Variants in RNF144B observed in about 807,000 individuals in gnomAD.
The protein encoded by RNF144B is E3 ubiquitin-protein ligase RNF144B.
Under a neutral mutation model 40.2 loss-of-function variants are expected in RNF144B, and 25 were observed. The observed-to-expected ratio is 0.62, with a 90% CI of 0.45 to 0.87. The LOEUF is 0.87. RNF144B is among the 40% of genes least tolerant of loss of function. RNF144B has a pLI of 0.00. For synonymous variants in RNF144B, 145 were observed against 136.3 expected (o/e 1.06, Z -0.44); for missense variants, 365 against 373.7 (o/e 0.98, Z 0.19).
At chr6:18,399,890 C>G (rs1794766002) in intron 2 of RNF144B, among the ~76,000 whole-genome samples, 191 bp downstream of exon 2, 1 of 152,122 alleles carries the variant, frequency 6.6e-6, no homozygotes, top group Non-Finnish European at 1.5e-5. Context: ...CTTGTTTTAG[C>G]TGAGTATAAT....
In RNF144B at chr6:18,412,640, G is replaced by C. The variant is rs867178458; in HGVS notation, c.165+12941G>C. On this transcript the variant is annotated intron_variant, in intron 2 of 7. Transcript: ENST00000259939. This position sits in a 1 kb window ranked among gnomAD's most constrained non-coding sequence, Gnocchi z 4.2. Reference sequence around the variant, plus strand: ...AAATTTAGGCAAGTTGAAAAAGGGTGGTGAGTTAACTAGAAAATTCAGTTT... The same window carrying C: ...AAATTTAGGCAAGTTGAAAAAGGGTCGTGAGTTAACTAGAAAATTCAGTTT... 1.8e-4 allele frequency among the ~76,000 whole-genome samples: 28 copies of C among 152,098 alleles called. No homozygotes were observed. The highest frequency in any genetic ancestry group is 6.3e-4 in the African/African-American group (26 of 41,406).
At chr6:18,461,244 C>T (rs547742418) in intron 6 of RNF144B, among the ~76,000 whole-genome samples, 16 of 152,150 alleles carry the variant, frequency 1.1e-4, no homozygotes, top group Non-Finnish European at 1.9e-4. Flanking sequence ...TTCAGCAGCT[C>T]AGTTTGGAAG....
rs376042989 is a variant in RNF144B, at chr6:18,458,773, T to C, written c.537-834T>C. Among the ~76,000 whole-genome samples the C allele has an allele frequency of 1.3e-5, 2 of 152,320 alleles. No individual in the cohort carries two copies. Among genetic ancestry groups the C allele is most frequent in the African/African-American group, 4.8e-5 (2 of 41,580 alleles). The stretch of plus-strand genomic sequence containing the variant: ...AGAAGTGTTTCAGATCTCAGTGTTT[T>C]CAGATTTTGAAATATTTTCATGATA... On this transcript the variant is annotated intron_variant, in intron 5 of 7. Coordinates refer to ENST00000259939, the MANE Select transcript of RNF144B (RefSeq NM_182757.4). This position sits in a 1 kb window ranked among gnomAD's most constrained non-coding sequence, Gnocchi z 4.8.
chr6:18,454,115 A>G (rs563922924), intron 4 of RNF144B, among the ~76,000 whole-genome samples: 1 of 152,274 alleles, frequency 6.6e-6, no homozygotes, highest in East Asian at 1.9e-4. Context: ...GATTGTTTTG[A>G]TGATCCAAGC....
In RNF144B at chr6:18,446,045, CT is replaced by C; in HGVS notation, c.331+6302del. 6.6e-6 allele frequency among the ~76,000 whole-genome samples: 1 copy of C among 152,300 alleles called. No individual in the cohort carries two copies. The highest frequency in any genetic ancestry group is 1.5e-5 in the Non-Finnish European group (1 of 68,010). On this transcript the variant is annotated intron_variant, in intron 4 of 7. Transcript: ENST00000259939. The surrounding 1 kb of genome is among the most constrained non-coding windows in gnomAD (Gnocchi z 4.7). ...TGTGAGAAGAGAATGAGAAGAACAG[CT>C]CTTCATGTGATAGCAATCTGACTTC...
At chr6:18,453,331 G>C (rs994195340) in intron 4 of RNF144B, among the ~76,000 whole-genome samples, 2 of 150,652 alleles carry the variant, frequency 1.3e-5, no homozygotes, top group Non-Finnish European at 3.0e-5. Context: ...TAGAGATGGG[G>C]TTTCACCATG....
At chr6:18,433,953 G>A (rs1758757269) in intron 3 of RNF144B, among the ~76,000 whole-genome samples, 1 of 152,164 alleles carries the variant, frequency 6.6e-6, no homozygotes, top group Admixed American at 6.5e-5. Context: ...CCTGGATTTT[G>A]CAAGTCATAG....
chr6:18,432,145 A>C (rs1459307102), intron 3 of RNF144B, among the ~76,000 whole-genome samples: 1 of 152,238 alleles, frequency 6.6e-6, no homozygotes, highest in African/African-American at 2.4e-5. Flanking sequence ...AAATGATTTG[A>C]ACTATACAGG....
chr6:18,465,412 G>T lies in RNF144B; in HGVS notation c.*345G>T. On this transcript the variant is annotated 3_prime_UTR_variant, in exon 8 of 8. Coordinates refer to ENST00000259939, the MANE Select transcript of RNF144B (RefSeq NM_182757.4). ...TGCGGGAACATTTGATATAACAAAT[G>T]TGTTGTCATTGTTGGCAACATACAA... The T allele has an allele frequency of 4.5e-6, 1 of 224,034 alleles. No homozygotes were observed. The highest frequency in any genetic ancestry group is 8.8e-6 in the Non-Finnish European group (1 of 114,162). 13.9% of individuals were successfully genotyped at this position (224,034 alleles called of 1,614,324 possible). A position where few individuals can be genotyped will look rare whatever the true frequency, so the allele number is the denominator to read the frequency against.
Position 18,468,285 on chromosome 6 carries a change from G to A in RNF144B, c.*3218G>A, listed in dbSNP as rs1759615567. The A allele has an allele frequency of 6.6e-6, 1 of 152,284 alleles. No individual in the cohort carries two copies. Among genetic ancestry groups the A allele is most frequent in the Middle Eastern group, 3.4e-3 (1 of 294 alleles). 9.4% of individuals were successfully genotyped at this position (152,284 alleles called of 1,614,324 possible). A position where few individuals can be genotyped will look rare whatever the true frequency, so the allele number is the denominator to read the frequency against. ...CCCATCTAGGAAATTTTTTCTTGTT[G>A]TGAGGTAGGGAAGTGAGGAGGAAAG... On this transcript the variant is annotated 3_prime_UTR_variant, in exon 8 of 8. Transcript: ENST00000259939.
rs1258695136 is a variant in RNF144B, at chr6:18,422,760, G to A, written c.166-4821G>A. ...CAGGATTCTTTGAGCCCAGGAGTTT[G>A]AGACCAGCCTGCTTGGGCAACATAG... On this transcript the variant is annotated intron_variant, in intron 2 of 7. Coordinates refer to ENST00000259939, the MANE Select transcript of RNF144B (RefSeq NM_182757.4). The surrounding 1 kb of genome is among the most constrained non-coding windows in gnomAD (Gnocchi z 4.7). Among the ~76,000 whole-genome samples the A allele has an allele frequency of 1.3e-5, 2 of 152,136 alleles. No homozygotes were observed. The highest frequency in any genetic ancestry group is 3.9e-4 in the East Asian group (2 of 5,184).
intron 1 of RNF144B, 147 bp from the exon 2 acceptor site, chr6:18,399,352 C>T: frequency 1.7e-6 from 1 of 601,802 alleles, no homozygotes; most frequent in Non-Finnish European, 2.9e-6. Context: ...GTGAACCACT[C>T]TCTAGCCCGT....
intron 2 of RNF144B, 92 bp from the exon 3 acceptor site, chr6:18,427,489 A>G: frequency 1.3e-6 from 1 of 777,066 alleles, no homozygotes; most frequent in Admixed American, 2.4e-5. Flanking sequence ...AGGACAGCCA[A>G]TTAAGGAAGA....
intron 3 of RNF144B, 141 bp downstream of exon 3, chr6:18,427,826 T>C: frequency 1.7e-6 from 1 of 592,466 alleles, no homozygotes; most frequent in South Asian, 2.2e-5. Flanking sequence ...TTATTGCAGC[T>C]TACCTTTGGA....
At chr6:18,445,345 T>C (rs1759058639) in intron 4 of RNF144B, among the ~76,000 whole-genome samples, 1 of 152,206 alleles carries the variant, frequency 6.6e-6, no homozygotes, top group African/African-American at 2.4e-5. Flanking sequence ...GATTTTGAAA[T>C]CTGAAGGCAA....
At position 18,464,808 on chromosome 6, in the gene RNF144B, A is replaced by G. The variant is rs1232381448; in HGVS notation, c.772-119A>G. The stretch of plus-strand genomic sequence containing the variant: ...GTCACATCGGGGATTTAGGGTTTCA[A>G]CATATGAGCTTCAGGGGGACACAAA... On this transcript the variant is annotated intron_variant, in intron 7 of 7. Transcript: ENST00000259939. This position sits in a 1 kb window ranked among gnomAD's most constrained non-coding sequence, Gnocchi z 6.1. The G allele has an allele frequency of 2.1e-6, 2 of 969,020 alleles. No individual in the cohort carries two copies. Among genetic ancestry groups the G allele is most frequent in the Non-Finnish European group, 3.1e-6 (2 of 641,326 alleles). The allele number at this position is 969,020 out of a possible 1,614,324, so 60.0% of individuals were successfully genotyped here.
chr6:18,427,612 G>A lies in RNF144B; in HGVS notation c.197G>A (p.Arg66Gln), dbSNP rs201112063. 3.0e-5 allele frequency: 49 copies of A among 1,613,596 alleles called. No individual in the cohort carries two copies. Among genetic ancestry groups the A allele is most frequent in the South Asian group, 2.6e-4 (24 of 91,056 alleles). ...AAACAGTACATGCAGCTGGCAATCC[G>A]AGAAGGATGTGGGTCTCCCATCACT... ...CLKQYMQLAIREGCGSPITCP... is the reference protein window; with the variant it reads ...CLKQYMQLAIQEGCGSPITCP... Residue 66 changes from arginine to glutamine, a missense_variant, in exon 3 of 8, where the codon CGA becomes CAA. By Grantham distance (43) the Arg-to-Gln change is conservative. Coordinates refer to ENST00000259939, the MANE Select transcript of RNF144B (RefSeq NM_182757.4).
chr6:18,430,720 A>C lies in RNF144B; in HGVS notation c.270+3035A>C, dbSNP rs564661399. ...TTCCAGCCTGGGCTCAAGCAATCCT[A>C]CTGCCTCAGCCTCCCAAAGTTCTGG... On this transcript the variant is annotated intron_variant, in intron 3 of 7. Coordinates refer to ENST00000259939, the MANE Select transcript of RNF144B (RefSeq NM_182757.4). Among the ~76,000 whole-genome samples the C allele has an allele frequency of 2.3e-4, 34 of 150,774 alleles. No individual in the cohort carries two copies. The East Asian group carries it at 6.3e-3, about 28-fold the overall frequency.
In RNF144B at chr6:18,450,436, T is replaced by C. The variant is rs1759186355; in HGVS notation, c.332-6719T>C. 6.6e-6 allele frequency among the ~76,000 whole-genome samples: 1 copy of C among 152,126 alleles called. No homozygotes were observed. Among genetic ancestry groups the C allele is most frequent in the Admixed American group, 6.5e-5 (1 of 15,274 alleles). On this transcript the variant is annotated intron_variant, in intron 4 of 7. Transcript: ENST00000259939. The surrounding 1 kb of genome is among the most constrained non-coding windows in gnomAD (Gnocchi z 4.7). Reference sequence around the variant, plus strand: ...CCTCAGCCTCCCGAGTAGCTGGGATTACACGTGTGTGCCACCAGGCCTGGC... The same window carrying C: ...CCTCAGCCTCCCGAGTAGCTGGGATCACACGTGTGTGCCACCAGGCCTGGC...
Sources: gnomAD v4.1 joint callset for allele counts (sites outside exome capture counted in the v4.1 genomes callset) on GRCh38, gnomAD v4.1.1 for gene constraint, Gnocchi (gnomAD v3.1) non-coding constraint, MANE v1.5 for transcripts, NCBI Gene and HGNC (gene_info 2026-07-23, HGNC 2026-07-21) for gene names.